Variants in ERBB4 observed in about 807,000 individuals in gnomAD.
ERBB4 encodes the protein receptor tyrosine-protein kinase erbB-4.
Under a neutral mutation model 158.0 loss-of-function variants are expected in ERBB4, and 42 were observed. The ratio of observed to expected loss-of-function variants is 0.27; its 90% confidence interval spans 0.21 to 0.34. The LOEUF (loss-of-function observed/expected upper bound fraction) is 0.34. ERBB4 is among the 10% of genes least tolerant of loss of function. ERBB4 has a pLI of 1.00. For missense variants in ERBB4, 1,333 were observed against 1,624.1 expected (o/e 0.82, Z 3.08); for synonymous variants, 583 against 558.7 (o/e 1.04, Z -0.61).
At chr2:211,993,978 ATATAT>A (rs542909309) in intron 2 of ERBB4, among the ~76,000 whole-genome samples, 163 of 151,786 alleles carry the variant, frequency 1.1e-3, no homozygotes, top group Non-Finnish European at 2.0e-3. Flanking sequence ...GTCTTTTCCC[ATATAT>A]TATTTTATGT....
intron 19 of ERBB4, among the ~76,000 whole-genome samples, chr2:211,592,581 A>T (rs2068507617): frequency 6.6e-6 from 1 of 152,186 alleles, no homozygotes; most frequent in African/African-American, 2.4e-5. Flanking sequence ...GACAAAGAGG[A>T]TTTCAAGGTT....
chr2:212,188,217 T>G (rs1177082643), intron 1 of ERBB4, among the ~76,000 whole-genome samples: 14 of 32,012 alleles, frequency 4.4e-4, no homozygotes, highest in African/African-American at 1.5e-3. Flanking sequence ...TCTCTCTCTC[T>G]CTCTCTCTCT....
intron 1 of ERBB4, among the ~76,000 whole-genome samples, chr2:212,345,869 C>G (rs1415429456): frequency 6.6e-6 from 1 of 152,062 alleles, no homozygotes; most frequent in Non-Finnish European, 1.5e-5. Flanking sequence ...TTGTCCAGTT[C>G]TGAGACCAAT....
chr2:212,524,943 C>T (rs1405802484), intron 1 of ERBB4, among the ~76,000 whole-genome samples: 3 of 151,822 alleles, frequency 2.0e-5, no homozygotes, highest in Admixed American at 2.0e-4. Flanking sequence ...ATATGAAGGT[C>T]CATCATTGTG....
At chr2:211,796,900 T>C (rs2076394494) in intron 3 of ERBB4, among the ~76,000 whole-genome samples, 1 of 151,988 alleles carries the variant, frequency 6.6e-6, no homozygotes, top group South Asian at 2.1e-4. Flanking sequence ...TTAAGAGATC[T>C]GGTTCAATGT....
In ERBB4 at chr2:212,119,363, C is replaced by T. The variant is rs1050721655; in HGVS notation, c.234+5389G>A. Among the ~76,000 whole-genome samples, 3 of 152,022 alleles carry T rather than the reference C, an allele frequency of 2.0e-5. No homozygotes were observed. The East Asian group carries it at 5.8e-4, about 29-fold the overall frequency. ...AGAAAATAAATTTAAAATGTAAAAG[C>T]TGGTGGGTCAGGCACCTTTTTAGAA... is the stretch of plus-strand genomic sequence containing the variant. On this transcript the variant is annotated intron_variant, in intron 2 of 27. Coordinates refer to ENST00000342788, the MANE Select transcript of ERBB4 (RefSeq NM_005235.3).
At chr2:212,172,877 A>G (rs903416316) in intron 1 of ERBB4, among the ~76,000 whole-genome samples, 2 of 152,142 alleles carry the variant, frequency 1.3e-5, no homozygotes, top group Non-Finnish European at 2.9e-5. Flanking sequence ...GCAGTAAACC[A>G]TTATGGCACA....
At chr2:212,007,090 G>A (rs780418316) in intron 2 of ERBB4, among the ~76,000 whole-genome samples, 2 of 151,888 alleles carry the variant, frequency 1.3e-5, no homozygotes, top group Non-Finnish European at 2.9e-5. Flanking sequence ...AACATTTACT[G>A]ATTGCTGTCA....
intron 3 of ERBB4, among the ~76,000 whole-genome samples, chr2:211,800,717 A>G (rs1179672278): frequency 6.6e-6 from 1 of 151,676 alleles, no homozygotes; most frequent in Non-Finnish European, 1.5e-5. Context: ...CCATATCCCA[A>G]CCTCGTCTCT....
chr2:212,451,043 G>C (rs765657349), intron 1 of ERBB4, among the ~76,000 whole-genome samples: 1 of 152,084 alleles, frequency 6.6e-6, no homozygotes, highest in Non-Finnish European at 1.5e-5. Flanking sequence ...TTTTGTAAAG[G>C]TGATGACTAT....
intron 3 of ERBB4, among the ~76,000 whole-genome samples, chr2:211,946,618 C>T (rs552847196): frequency 2.1e-4 from 15 of 70,072 alleles, no homozygotes; most frequent in South Asian, 1.1e-3. Flanking sequence ...GATGGAGTTT[C>T]GCTGTTGTTG....
chr2:212,520,306 A>G (rs1288173659), intron 1 of ERBB4, among the ~76,000 whole-genome samples: 1 of 151,970 alleles, frequency 6.6e-6, no homozygotes, highest in African/African-American at 2.4e-5. Flanking sequence ...AACTACATGA[A>G]AACTTCATCC....
chr2:211,685,194 C>A (rs1444612019), intron 12 of ERBB4, among the ~76,000 whole-genome samples: 31 of 152,122 alleles, frequency 2.0e-4, no homozygotes, highest in Admixed American at 2.0e-3. Context: ...ACTCTAAATT[C>A]TTTTCACCTA....
intron 1 of ERBB4, among the ~76,000 whole-genome samples, chr2:212,483,462 A>AT (rs1560450620): frequency 6.6e-6 from 1 of 152,224 alleles, no homozygotes; most frequent in Non-Finnish European, 1.5e-5. Flanking sequence ...TAAAAACCTC[A>AT]TAAGTGCTAA....
At chr2:212,331,565 C>A (rs369359325) in intron 1 of ERBB4, among the ~76,000 whole-genome samples, 2 of 151,866 alleles carry the variant, frequency 1.3e-5, no homozygotes, top group Non-Finnish European at 2.9e-5. Context: ...TAACAGATCC[C>A]AATCTAAAGC....
intron 1 of ERBB4, among the ~76,000 whole-genome samples, chr2:212,267,756 C>G (rs2085200583): frequency 6.6e-6 from 1 of 151,396 alleles, no homozygotes; most frequent in African/African-American, 2.4e-5. Context: ...CCCCTTCCCC[C>G]ACCCCACAAC....
At chr2:212,270,422 A>T (rs1016680438) in intron 1 of ERBB4, among the ~76,000 whole-genome samples, 3 of 151,618 alleles carry the variant, frequency 2.0e-5, no homozygotes, top group African/African-American at 7.3e-5. Flanking sequence ...CTCAGTGAAC[A>T]TATCGTTTTT....
intron 25 of ERBB4, among the ~76,000 whole-genome samples, chr2:211,411,269 C>A (rs2063255313): frequency 6.6e-6 from 1 of 152,140 alleles, no homozygotes; most frequent in Admixed American, 6.5e-5. Flanking sequence ...CTAATATATC[C>A]AGATTTTAAG....
chr2:211,966,281 G>A (rs1289861979), intron 2 of ERBB4, among the ~76,000 whole-genome samples: 2 of 152,098 alleles, frequency 1.3e-5, no homozygotes, highest in Admixed American at 6.6e-5. Context: ...TAGCTCTGTT[G>A]CCCAGGTTAG....
Sources: allele counts gnomAD v4.1 joint callset (sites outside exome capture counted in the v4.1 genomes callset), GRCh38; gene constraint gnomAD v4.1.1; transcripts MANE v1.5; gene names NCBI Gene and HGNC (gene_info 2026-07-23, HGNC 2026-07-21).